Variants in IRAG2 observed in about 807,000 individuals in gnomAD.
IRAG2 encodes inositol 1,4,5-triphosphate receptor associated 2.
In IRAG2, 45 loss-of-function variants were observed where a neutral mutation model predicts 69.9. The ratio of observed to expected loss-of-function variants is 0.64; its 90% CI spans 0.51 to 0.83. The LOEUF (loss-of-function observed/expected upper bound fraction) is 0.83. Ranked by LOEUF, IRAG2 falls within the 40% of genes least tolerant of loss-of-function variation. IRAG2 has a pLI of 0.00. For missense variants in IRAG2, 520 were observed against 587.0 expected (o/e 0.89, Z 1.18); for synonymous variants, 193 against 202.4 (o/e 0.95, Z 0.40).
intron 1 of IRAG2, 50 bp downstream of exon 1, chr12:25,053,006 G>A (rs778519610): frequency 5.5e-5 from 22 of 398,134 alleles, no homozygotes; most frequent in Non-Finnish European, 6.6e-5. Flanking sequence ...ACCCTCAGGC[G>A]GGGCATAGGA....
chr12:25,096,861 C>T (rs1372144953), intron 14 of IRAG2, 49 bp from the exon 15 acceptor site: 9 of 1,515,212 alleles, frequency 5.9e-6, no homozygotes, highest in East Asian at 4.6e-5. Flanking sequence ...TAGAATCACT[C>T]GCTGAATGCT....
chr12:25,045,238 T>G (rs1356703187), intron 16 of IRAG2, among the ~76,000 whole-genome samples: 1 of 151,962 alleles, frequency 6.6e-6, no homozygotes, highest in Non-Finnish European at 1.5e-5. Context: ...CTTTGGGATG[T>G]AGAAAAAGCA....
chr12:25,004,752 G>A, exon 1 of IRAG2: 2 of 1,232,120 alleles, frequency 1.6e-6, no homozygotes, highest in Non-Finnish European at 2.0e-6. Flanking sequence ...TGATGTCACA[G>A]ATCAGAAAAG....
At chr12:25,015,853 T>C (rs1944523282) in intron 5 of IRAG2, among the ~76,000 whole-genome samples, 1 of 152,226 alleles carries the variant, frequency 6.6e-6, no homozygotes, top group African/African-American at 2.4e-5. Flanking sequence ...GGAGAGTGAT[T>C]CTGCCTCTGC....
In IRAG2 at chr12:25,089,757, C is replaced by T. The variant is rs764776323; in HGVS notation, c.438-6C>T. 5 of 1,613,088 alleles carry T rather than the reference C, an allele frequency of 3.1e-6. 1 individual carries two copies. In the South Asian group the frequency reaches 5.5e-5, roughly 18 times the overall value. ...GTTTAAATATGTTTTTTGTCTTATC[C>T]TACAGCACTTCTGCTAATGAGAAGG... is the stretch of plus-strand genomic sequence containing the variant. On this transcript the variant is annotated splice_region_variant and splice_polypyrimidine_tract_variant and intron_variant, in intron 12 of 21. Coordinates refer to ENST00000556887, the MANE Select transcript of IRAG2 (RefSeq NM_001366544.2).
intron 14 of IRAG2, among the ~76,000 whole-genome samples, chr12:25,091,975 A>G (rs901575867): frequency 6.6e-6 from 1 of 152,232 alleles, no homozygotes; most frequent in African/African-American, 2.4e-5. Flanking sequence ...TTATAAAAGT[A>G]CAGTTTCAGG....
chr12:25,074,196 AT>A lies in IRAG2; in HGVS notation c.24+4766del, dbSNP rs1266320676. On this transcript the variant is annotated intron_variant, in intron 6 of 21. Coordinates refer to ENST00000556887, the MANE Select transcript of IRAG2 (RefSeq NM_001366544.2). ...ACACAAATACTTTACATATATACAT[AT>A]ATTTCCACATATCTGTATCACTGAG... is the stretch of plus-strand genomic sequence containing the variant. Among the ~76,000 whole-genome samples, 20 of 152,338 alleles carry A rather than the reference AT, an allele frequency of 1.3e-4. No individual in the cohort carries two copies. In the East Asian group the frequency reaches 3.1e-3, roughly 23 times the overall value.
chr12:25,009,296 A>C (rs545891334), intron 2 of IRAG2, among the ~76,000 whole-genome samples: 1 of 152,282 alleles, frequency 6.6e-6, no homozygotes, highest in Non-Finnish European at 1.5e-5. Context: ...ACAGAGTGAG[A>C]CTCTGTCTCA....
At chr12:25,082,573 CTGGG>C (rs1390929037) in intron 9 of IRAG2, among the ~76,000 whole-genome samples, 1 of 150,790 alleles carries the variant, frequency 6.6e-6, no homozygotes, top group Non-Finnish European at 1.5e-5. Context: ...GCCCTCCAGC[CTGGG>C]TGGCAGAGTG....
At chr12:25,006,985 C>A (rs905341598) in intron 2 of IRAG2, among the ~76,000 whole-genome samples, 1 of 152,144 alleles carries the variant, frequency 6.6e-6, no homozygotes, top group African/African-American at 2.4e-5. Context: ...AATCCTGTTT[C>A]CCTGAGTAAC....
upstream of IRAG2, among the ~76,000 whole-genome samples, chr12:25,000,051 T>C (rs2220194): frequency 0.15 from 22,487 of 152,252 alleles, 4,304 homozygotes; most frequent in African/African-American, 0.44. Flanking sequence ...TTTCAGGATA[T>C]TGTTTTCTTC....
At chr12:25,030,152 T>C (rs529369274) in intron 9 of IRAG2, 40 of 544,882 alleles carry the variant, frequency 7.3e-5, no homozygotes, top group African/African-American at 6.3e-4. Flanking sequence ...GGAAAGTACT[T>C]TGTAAAGTGA....
chr12:25,087,740 G>A (rs78706540), intron 10 of IRAG2, among the ~76,000 whole-genome samples: 2,614 of 152,164 alleles, frequency 0.017, 62 homozygotes, highest in African/African-American at 0.058. Flanking sequence ...GGAGGTGAGC[G>A]GCAGGCCAGG....
chr12:25,041,090 C>T (rs554737384), intron 16 of IRAG2, among the ~76,000 whole-genome samples: 15 of 152,108 alleles, frequency 9.9e-5, no homozygotes, highest in African/African-American at 2.7e-4. Flanking sequence ...TGTGATGATC[C>T]GGGTGTGTTC....
Position 25,062,988 on chromosome 12 carries a change from G to A in IRAG2, c.-304+88G>A, listed in dbSNP as rs951610790. The A allele has an allele frequency of 7.5e-6, 3 of 397,958 alleles. No homozygotes were observed. In the East Asian group the frequency reaches 1.1e-4, roughly 14 times the overall value. The allele number at this position is 397,958 out of a possible 1,614,324, so 24.7% of individuals were successfully genotyped here. On this transcript the variant is annotated intron_variant, in intron 3 of 21. Transcript: ENST00000556887. ...AGAAAGCTAAATCCAGTATGTATCA[G>A]TAGTCTTAGAACTGCATATATTGCT...
exon 1 of IRAG2, chr12:25,004,523 T>C (rs886158127): frequency 1.9e-5 from 24 of 1,231,984 alleles, no homozygotes; most frequent in Non-Finnish European, 2.3e-5. Context: ...GAAGAGGTAC[T>C]GAGGAAAATG....
chr12:25,031,267 A>G (rs1001570803), intron 10 of IRAG2, among the ~76,000 whole-genome samples: 1 of 152,106 alleles, frequency 6.6e-6, no homozygotes, highest in African/African-American at 2.4e-5. Flanking sequence ...AGTAGTGGCT[A>G]CTCAGTTCCT....
At chr12:25,053,819 G>C (rs1945032081) in intron 1 of IRAG2, among the ~76,000 whole-genome samples, 1 of 151,028 alleles carries the variant, frequency 6.6e-6, no homozygotes, top group Admixed American at 6.6e-5. Context: ...TAATATATAA[G>C]CTTAAGGTAG....
upstream of IRAG2, among the ~76,000 whole-genome samples, chr12:24,999,916 G>A (rs1276881272): frequency 1.3e-5 from 2 of 151,904 alleles, no homozygotes; most frequent in Non-Finnish European, 2.9e-5. Context: ...ACATTTGGGG[G>A]CATACTTACA....
Sources: gnomAD v4.1 joint callset for allele counts (sites outside exome capture counted in the v4.1 genomes callset) on GRCh38, gnomAD v4.1.1 for gene constraint, MANE v1.5 for transcripts, NCBI Gene and HGNC (gene_info 2026-07-23, HGNC 2026-07-21) for gene names.